AFF3: variants seen among roughly 807,000 people sequenced by gnomAD.
AFF3 encodes ALF transcription elongation factor 3.
AFF3 carries 32 observed loss-of-function variants against 129.7 expected under a neutral mutation model. The observed-to-expected ratio is 0.25, with a 90% CI of 0.19 to 0.33. The LOEUF (loss-of-function observed/expected upper bound fraction) is 0.33, where lower values mean the gene tolerates loss of function less well. AFF3 is among the 10% of genes least tolerant of loss of function. AFF3 has a pLI of 1.00. For missense variants in AFF3, 1,373 were observed against 1,592.0 expected, an observed-to-expected ratio of 0.86 and a Z score of 2.34; for synonymous variants, 644 against 635.4, an observed-to-expected ratio of 1.01 and a Z score of -0.20.
chr2:99,559,540 A>G (rs1458011523), intron 21 of AFF3, among the ~76,000 whole-genome samples: 2 of 152,262 alleles, frequency 1.3e-5, no homozygotes, highest in Middle Eastern at 3.2e-3. Flanking sequence ...ACTTATTTAT[A>G]TATCAGTATT....
At chr2:99,860,056 C>T (rs539444151) in intron 7 of AFF3, among the ~76,000 whole-genome samples, 2 of 152,326 alleles carry the variant, frequency 1.3e-5, no homozygotes, top group East Asian at 3.9e-4. Context: ...ACCACACTCT[C>T]CGTTCCTCAA....
chr2:100,140,128 C>T (rs1050293682), intron 1 of AFF3, among the ~76,000 whole-genome samples: 11 of 152,194 alleles, frequency 7.2e-5, no homozygotes, highest in Admixed American at 2.0e-4. Flanking sequence ...CAGCATTTTA[C>T]GTATGTAGAC....
intron 8 of AFF3, among the ~76,000 whole-genome samples, chr2:99,761,126 G>T (rs532339365): frequency 1.3e-5 from 2 of 150,722 alleles, no homozygotes; most frequent in Non-Finnish European, 2.9e-5. Flanking sequence ...ACACAGCATC[G>T]CCAGTCCCTT....
intron 8 of AFF3, among the ~76,000 whole-genome samples, chr2:99,779,580 T>A (rs1318703880): frequency 6.6e-6 from 1 of 152,176 alleles, no homozygotes; most frequent in East Asian, 1.9e-4. Context: ...CTTACATGCA[T>A]ATACTGCGTA....
chr2:99,893,383 C>T (rs1380858312), intron 7 of AFF3, among the ~76,000 whole-genome samples: 13 of 152,198 alleles, frequency 8.5e-5, no homozygotes, highest in Admixed American at 7.9e-4. Flanking sequence ...ACTCAATGCA[C>T]GTTTTTCCTC....
intron 7 of AFF3, among the ~76,000 whole-genome samples, chr2:99,954,353 G>A (rs1191695231): frequency 6.6e-6 from 1 of 152,156 alleles, no homozygotes; most frequent in Non-Finnish European, 1.5e-5. Flanking sequence ...AAAAGTCAGT[G>A]TGGCAATTTC....
In AFF3 at chr2:100,074,282, T is replaced by C. The variant is rs145382052; in HGVS notation, c.53+30120A>G. On this transcript the variant is annotated intron_variant, in intron 4 of 24. Coordinates refer to ENST00000672756, the MANE Select transcript of AFF3 (RefSeq NM_001386135.1). ...TTCTGCCTCCTGGCCCTCCTCCTGC[T>C]CTGTTCCTCCTCCACCTGTCCAAAG... Among the ~76,000 whole-genome samples, 951 of 152,312 alleles carry C rather than the reference T, an allele frequency of 6.2e-3. 8 individuals carry two copies. The highest frequency in any genetic ancestry group is 0.01 in the Non-Finnish European group (690 of 68,026).
intron 11 of AFF3, among the ~76,000 whole-genome samples, chr2:99,723,819 A>T (rs1420553766): frequency 6.6e-6 from 1 of 152,202 alleles, no homozygotes; most frequent in Non-Finnish European, 1.5e-5. Flanking sequence ...AGTTAAAATG[A>T]CGTCATTAGG....
intron 8 of AFF3, among the ~76,000 whole-genome samples, chr2:99,777,218 C>T (rs975040293): frequency 6.6e-6 from 1 of 152,138 alleles, no homozygotes; most frequent in Non-Finnish European, 1.5e-5. Flanking sequence ...TGAGTTCCTA[C>T]CCAGGTCCTC....
Position 99,594,128 on chromosome 2 carries a change from G to A in AFF3, c.1533C>T (p.Pro511=), listed in dbSNP as rs752347459. ...KEDVQDCGKV[P]DVCQPSLREK... ...CTCTCAGGCTGGGCTGGCAAACGTC[G>A]GGGACTTTCCCACAGTCCTGGACGT... Residue 511 remains proline, a synonymous_variant, in exon 15 of 25, where the codon CCC becomes CCT. Transcript: ENST00000672756. The A allele has an allele frequency of 5.0e-6, 8 of 1,614,004 alleles. No individual in the cohort carries two copies. The Admixed American group carries it at 5.0e-5, about 10-fold the overall frequency.
chr2:99,706,389 C>A (rs1246212758), intron 11 of AFF3, among the ~76,000 whole-genome samples: 1 of 152,212 alleles, frequency 6.6e-6, no homozygotes, highest in African/African-American at 2.4e-5. Context: ...TAAAACAGCA[C>A]CTGCTTCTAT....
intron 18 of AFF3, among the ~76,000 whole-genome samples, chr2:99,569,759 T>C (rs1304023091): frequency 1.3e-5 from 2 of 152,204 alleles, no homozygotes; most frequent in African/African-American, 4.8e-5. Flanking sequence ...ATAAACTTTA[T>C]ATAATCAATA....
In AFF3 at chr2:99,633,004, A is replaced by T. The variant is rs536523835; in HGVS notation, c.1184+16622T>A. Reference sequence around the variant, plus strand: ...TTATCACTCGTCAAGGCCAATGGCGAATCATGTCGCTTTTTGTTTTTTTAG... The same window carrying T: ...TTATCACTCGTCAAGGCCAATGGCGTATCATGTCGCTTTTTGTTTTTTTAG... On this transcript the variant is annotated intron_variant, in intron 13 of 24. Transcript: ENST00000672756. Among the ~76,000 whole-genome samples, 8 of 152,268 alleles carry T rather than the reference A, an allele frequency of 5.3e-5. No homozygotes were observed. In the East Asian group the frequency reaches 1.5e-3, roughly 29 times the overall value.
At chr2:99,899,848 AG>A (rs1694224439) in intron 7 of AFF3, among the ~76,000 whole-genome samples, 1 of 152,248 alleles carries the variant, frequency 6.6e-6, no homozygotes, top group Non-Finnish European at 1.5e-5. Flanking sequence ...AGTAACTGCT[AG>A]GGTCTCCAAG....
chr2:99,655,694 G>T (rs1295106750), intron 12 of AFF3, among the ~76,000 whole-genome samples: 1 of 152,112 alleles, frequency 6.6e-6, no homozygotes, highest in Non-Finnish European at 1.5e-5. Context: ...AAGCATGCAT[G>T]GGGCTTGCTT....
chr2:99,803,258 G>A (rs1368930044), intron 8 of AFF3, among the ~76,000 whole-genome samples: 2 of 152,124 alleles, frequency 1.3e-5, no homozygotes, highest in East Asian at 1.9e-4. Flanking sequence ...ATTGATTTGT[G>A]TATGACGAAC....
At chr2:99,734,005 A>C (rs572809928) in intron 10 of AFF3, among the ~76,000 whole-genome samples, 1 of 152,200 alleles carries the variant, frequency 6.6e-6, no homozygotes, top group East Asian at 1.9e-4. Context: ...AAATCTATAG[A>C]TATCTGAAGA....
At chr2:100,126,052 A>C (rs1431035655) in intron 2 of AFF3, among the ~76,000 whole-genome samples, 2 of 152,228 alleles carry the variant, frequency 1.3e-5, no homozygotes, top group South Asian at 4.1e-4. Context: ...CAACCAAAAA[A>C]AGAGAAGAAA....
chr2:99,981,525 A>C (rs968604934), intron 7 of AFF3, among the ~76,000 whole-genome samples: 1 of 152,184 alleles, frequency 6.6e-6, no homozygotes, highest in African/African-American at 2.4e-5. Context: ...CCAATCCTTC[A>C]CTTTTTCAAG....
Sources: allele counts gnomAD v4.1 joint callset (sites outside exome capture counted in the v4.1 genomes callset), GRCh38; gene constraint gnomAD v4.1.1; transcripts MANE v1.5; gene names NCBI Gene and HGNC (gene_info 2026-07-23, HGNC 2026-07-21).